Variants in SPDYE14 observed in about 807,000 individuals in gnomAD.
SPDYE14 encodes the protein speedy protein E14.
chr7:75,261,458 T>C, the SPDYE14 span, among the ~76,000 whole-genome samples: 1 of 105,900 alleles, frequency 9.4e-6, no homozygotes, highest in African/African-American at 3.3e-5. Flanking sequence ...AACACCTTTT[T>C]TTTTTTTTTT....
chr7:75,272,732 C>CA, the SPDYE14 span, among the ~76,000 whole-genome samples: 1 of 56,528 alleles, frequency 1.8e-5, no homozygotes. Flanking sequence ...ACTAAAAATA[C>CA]AAAATTAGCT....
chr7:75,244,722 G>T, the SPDYE14 span, among the ~76,000 whole-genome samples: 1 of 68,110 alleles, frequency 1.5e-5, no homozygotes, highest in Non-Finnish European at 3.3e-5. Flanking sequence ...GGAAGCGGAG[G>T]TGGCAGTGAG....
chr7:75,275,393 C>A, the SPDYE14 span, among the ~76,000 whole-genome samples: 1 of 48,986 alleles, frequency 2.0e-5, no homozygotes, highest in African/African-American at 4.8e-5. Flanking sequence ...AAGAAAAATT[C>A]CTCTGCCTTG....
the SPDYE14 span, chr7:75,237,670 C>G: frequency 7.2e-5 from 7 of 96,698 alleles, no homozygotes; most frequent in African/African-American, 1.2e-4. Context: ...GCGCGGCGCC[C>G]GGCGCGGGGA....
the SPDYE14 span, among the ~76,000 whole-genome samples, chr7:75,273,208 C>T: frequency 2.2e-4 from 13 of 60,344 alleles, 6 homozygotes; most frequent in Non-Finnish European, 3.9e-4. Flanking sequence ...CAGAATCATG[C>T]GTCCTGTACA....
At chr7:75,247,466 GAGAAAGAAAGAAAGAAA>G in the SPDYE14 span, among the ~76,000 whole-genome samples, 1 of 97,038 alleles carries the variant, frequency 1.0e-5, no homozygotes, top group African/African-American at 3.1e-5. Flanking sequence ...GAAAGAAAAA[GAGAAAGAAAGAAAGAAA>G]AGAAAGAAAG....
the SPDYE14 span, among the ~76,000 whole-genome samples, chr7:75,273,112 T>C: frequency 3.3e-5 from 2 of 59,760 alleles, 1 homozygote; most frequent in Non-Finnish European, 8.7e-5. Flanking sequence ...CCTCTTGCTC[T>C]GACCATGTGA....
At chr7:75,275,791 A>G in the SPDYE14 span, among the ~76,000 whole-genome samples, 19 of 41,094 alleles carry the variant, frequency 4.6e-4, 7 homozygotes, top group Non-Finnish European at 1.0e-3. Context: ...GTGAACCCCC[A>G]TGGACCCACT....
the SPDYE14 span, among the ~76,000 whole-genome samples, chr7:75,265,564 AC>A: frequency 7.3e-5 from 1 of 13,708 alleles, no homozygotes; most frequent in Non-Finnish European, 1.7e-4. Flanking sequence ...CTAAAAAAAT[AC>A]AAAAAAAAAA....
chr7:75,245,428 G>GA, the SPDYE14 span, among the ~76,000 whole-genome samples: 15,325 of 67,282 alleles, frequency 0.23, 504 homozygotes, highest in Middle Eastern at 0.35. Context: ...ATGTCTCAAA[G>GA]AAAAAAAAAA....
chr7:75,265,185 G>A, the SPDYE14 span, among the ~76,000 whole-genome samples: 372 of 63,452 alleles, frequency 5.9e-3, 9 homozygotes, highest in African/African-American at 0.018. Context: ...CTGCAACCTT[G>A]GCCTCCAAGG....
chr7:75,249,571 T>C, the SPDYE14 span, among the ~76,000 whole-genome samples: 1 of 117,592 alleles, frequency 8.5e-6, no homozygotes, highest in Admixed American at 8.6e-5. Context: ...ATTTTCTTCC[T>C]TCCTTCTTTC....
At chr7:75,242,952 CAT>C in the SPDYE14 span, among the ~76,000 whole-genome samples, 1 of 27,396 alleles carries the variant, frequency 3.7e-5, no homozygotes, top group Non-Finnish European at 8.5e-5. Flanking sequence ...CAGCCACACA[CAT>C]GAGCCCAGGT....
the SPDYE14 span, among the ~76,000 whole-genome samples, chr7:75,261,453 C>CCTT: frequency 2.5e-5 from 1 of 39,934 alleles, no homozygotes; most frequent in Admixed American, 5.1e-4. Flanking sequence ...TCAAGAACAC[C>CCTT]TTTTTTTTTT....
At chr7:75,237,714 A>G in the SPDYE14 span, 6 of 109,794 alleles carry the variant, frequency 5.5e-5, no homozygotes, top group African/African-American at 1.6e-4. Flanking sequence ...ACAACTTGCC[A>G]CTCAAACGCC....
the SPDYE14 span, among the ~76,000 whole-genome samples, chr7:75,272,885 CA>C: frequency 9.7e-3 from 234 of 24,194 alleles, 61 homozygotes; most frequent in African/African-American, 0.018. Context: ...AACTGTGTCT[CA>C]AAAAAAAAAA....
At chr7:75,273,846 TTATC>T in the SPDYE14 span, among the ~76,000 whole-genome samples, 2 of 34,348 alleles carry the variant, frequency 5.8e-5, 1 homozygote, top group Non-Finnish European at 1.5e-4. Context: ...TGATTTCATT[TTATC>T]TATTTGTTTG....
the SPDYE14 span, among the ~76,000 whole-genome samples, chr7:75,264,713 A>G: frequency 2.4e-4 from 4 of 16,688 alleles, no homozygotes; most frequent in African/African-American, 5.1e-4. Flanking sequence ...TCTCTGCAAG[A>G]TATTTACGTA....
the SPDYE14 span, among the ~76,000 whole-genome samples, chr7:75,267,728 T>TTTTATTTC: frequency 2.0e-4 from 23 of 112,620 alleles, no homozygotes; most frequent in South Asian, 5.7e-4. Flanking sequence ...GTCTGCATGA[T>TTTTATTTC]TTTATTTATT....
Sources: gnomAD v4.1 joint callset for allele counts (sites outside exome capture counted in the v4.1 genomes callset) on GRCh38, gnomAD v4.1.1 for gene constraint, MANE v1.5 for transcripts, NCBI Gene and HGNC (gene_info 2026-07-23, HGNC 2026-07-21) for gene names.